BBS9: variants seen among roughly 807,000 people sequenced by gnomAD.
BBS9 encodes protein PTHB1.
A neutral mutation model predicts 117.7 loss-of-function variants in BBS9; 89 were observed. The observed-to-expected ratio is 0.76, with a 90% CI of 0.64 to 0.90. The LOEUF (loss-of-function observed/expected upper bound fraction) is 0.90. Ranked by LOEUF, BBS9 falls within the 40% of genes least tolerant of loss-of-function variation. The pLI is 0.00. For missense variants in BBS9, 982 were observed against 1,042.2 expected (o/e 0.94, Z 0.80); for synonymous variants, 379 against 370.9 (o/e 1.02, Z -0.25).
intron 9 of BBS9, among the ~76,000 whole-genome samples, chr7:33,316,423 T>C (rs1810522743): frequency 6.6e-6 from 1 of 152,150 alleles, no homozygotes; most frequent in East Asian, 1.9e-4. Flanking sequence ...GAGGAGAAGA[T>C]TTGCTGAGTT....
At position 33,526,155 on chromosome 7, in the gene BBS9, G is replaced by A. The variant is rs556871110; in HGVS notation, c.2299-7799G>A. ...ATGGGCTTCCCTTTGAGGGTAACCCGACCTTTCTCTCTGGCTGCCCTTAAC... is the reference window on the plus strand; with the variant it reads ...ATGGGCTTCCCTTTGAGGGTAACCCAACCTTTCTCTCTGGCTGCCCTTAAC... On this transcript the variant is annotated intron_variant, in intron 20 of 22. Coordinates refer to ENST00000242067, the MANE Select transcript of BBS9 (RefSeq NM_198428.3). 1.6e-4 allele frequency among the ~76,000 whole-genome samples: 24 copies of A among 151,780 alleles called. No homozygotes were observed. The South Asian group carries it at 3.6e-3, about 22-fold the overall frequency.
At chr7:33,341,162 G>A (rs1438582651) in intron 11 of BBS9, among the ~76,000 whole-genome samples, 189 bp downstream of exon 11, 2 of 152,114 alleles carry the variant, frequency 1.3e-5, no homozygotes, top group African/African-American at 4.8e-5. Flanking sequence ...GAGCTCCTTG[G>A]GCAGGATTTC....
chr7:33,457,637 G>T (rs1838839882), intron 19 of BBS9, among the ~76,000 whole-genome samples: 1 of 152,064 alleles, frequency 6.6e-6, no homozygotes, highest in South Asian at 2.1e-4. Context: ...AACATGTATG[G>T]TATCTTAGGA....
intron 19 of BBS9, among the ~76,000 whole-genome samples, chr7:33,444,108 T>C (rs1836628362): frequency 6.6e-6 from 1 of 152,174 alleles, no homozygotes; most frequent in Non-Finnish European, 1.5e-5. Context: ...TGGTGCAGCA[T>C]ATTGGGTCAG....
At chr7:33,513,363 G>T (rs1392523764) in intron 20 of BBS9, among the ~76,000 whole-genome samples, 1 of 151,980 alleles carries the variant, frequency 6.6e-6, no homozygotes, top group Admixed American at 6.6e-5. Context: ...TTCTCATTAA[G>T]TACTCTAAAA....
intron 20 of BBS9, among the ~76,000 whole-genome samples, chr7:33,529,308 G>T (rs543051419): frequency 6.6e-6 from 1 of 152,190 alleles, no homozygotes. Flanking sequence ...AGCAGGCAGG[G>T]CCTCGGCCCC....
chr7:33,381,552 C>T (rs1584576891), intron 17 of BBS9, among the ~76,000 whole-genome samples: 3 of 152,094 alleles, frequency 2.0e-5, no homozygotes, highest in South Asian at 2.1e-4. Context: ...TCATTATTCT[C>T]CCATCTACCT....
Position 33,351,243 on chromosome 7 carries a change from GC to G in BBS9, c.1458del (p.Ser488LeufsTer4). 6.2e-7 allele frequency: 1 copy of G among 1,610,818 alleles called. No individual in the cohort carries two copies. The highest frequency in any genetic ancestry group is 8.5e-7 in the Non-Finnish European group (1 of 1,177,150). ...FMTPDLTRTV[S>X]FSVYLKRSYT... ...GCACCAGATTTGACTAGAACAGTAA[GC>G]TTTTCTGTTTATCTGAAAAGAAGTT... On this transcript the variant is annotated frameshift_variant, in exon 14 of 23. Transcript: ENST00000242067. LOFTEE classifies it high-confidence loss of function.
chr7:33,130,993 C>G (rs990396330), intron 1 of BBS9, among the ~76,000 whole-genome samples: 5 of 151,870 alleles, frequency 3.3e-5, no homozygotes, highest in Non-Finnish European at 7.4e-5. Flanking sequence ...TGTAGTAAGT[C>G]TTACGCTTTA....
chr7:33,290,464 A>G (rs1054524098), intron 9 of BBS9, among the ~76,000 whole-genome samples: 3 of 152,194 alleles, frequency 2.0e-5, no homozygotes, highest in East Asian at 1.9e-4. Flanking sequence ...AGGCTTCCAG[A>G]TAGTAGGAAA....
chr7:33,604,573 A>G (rs182039028), intron 21 of BBS9, among the ~76,000 whole-genome samples: 3 of 152,284 alleles, frequency 2.0e-5, no homozygotes, highest in South Asian at 2.1e-4. Flanking sequence ...CACATATGCT[A>G]TAGGATAGGT....
rs1190662426 is a variant in BBS9 at position 33,602,661 on chromosome 7, G to A, written c.2522-2204G>A. On this transcript the variant is annotated intron_variant, in intron 21 of 22. Transcript: ENST00000242067. ...GGAGAATCGCTTGAACCTGGGAGAC[G>A]GAGGTTGCGGTGAGCCGAGTTCACG... 3.9e-5 allele frequency among the ~76,000 whole-genome samples: 6 copies of A among 152,142 alleles called. No homozygotes were observed. The East Asian group carries it at 5.8e-4, about 15-fold the overall frequency.
chr7:33,143,969 A>G (rs879775390), intron 1 of BBS9, among the ~76,000 whole-genome samples: 1 of 151,788 alleles, frequency 6.6e-6, no homozygotes, highest in Non-Finnish European at 1.5e-5. Context: ...GGAGTTCTTT[A>G]TGTATCCTGG....
At chr7:33,410,998 T>C (rs2128820970) in intron 19 of BBS9, among the ~76,000 whole-genome samples, 1 of 147,002 alleles carries the variant, frequency 6.8e-6, no homozygotes, top group East Asian at 2.0e-4. Context: ...ACAGAAGAAC[T>C]TAAAATGTTG....
chr7:33,256,585 T>G (rs2128311221), intron 5 of BBS9, among the ~76,000 whole-genome samples: 1 of 152,342 alleles, frequency 6.6e-6, no homozygotes, highest in Non-Finnish European at 1.5e-5. Context: ...GTATCATCTA[T>G]TTCTATGCAA....
At chr7:33,379,302 G>T (rs1353744178) in intron 17 of BBS9, among the ~76,000 whole-genome samples, 2 of 152,088 alleles carry the variant, frequency 1.3e-5, no homozygotes. Context: ...TTCTTTAAAC[G>T]TGTGATAATA....
chr7:33,136,622 A>G (rs375558999), intron 1 of BBS9, among the ~76,000 whole-genome samples: 2 of 152,308 alleles, frequency 1.3e-5, no homozygotes, highest in African/African-American at 4.8e-5. Context: ...TTGATTTTAC[A>G]TTAACTCATT....
At chr7:33,597,087 A>T (rs1406075068) in intron 21 of BBS9, among the ~76,000 whole-genome samples, 1 of 147,984 alleles carries the variant, frequency 6.8e-6, no homozygotes, top group East Asian at 1.9e-4. Flanking sequence ...ACACACACAC[A>T]CACACACACA....
At chr7:33,516,055 G>C (rs1472978695) in intron 20 of BBS9, among the ~76,000 whole-genome samples, 1 of 152,180 alleles carries the variant, frequency 6.6e-6, no homozygotes, top group Non-Finnish European at 1.5e-5. Flanking sequence ...GACATAATAT[G>C]AACTGCTAAG....
Sources: allele counts gnomAD v4.1 joint callset (sites outside exome capture counted in the v4.1 genomes callset), GRCh38; gene constraint gnomAD v4.1.1; transcripts MANE v1.5; gene names NCBI Gene and HGNC (gene_info 2026-07-23, HGNC 2026-07-21).